GDPD5: variants seen among roughly 807,000 people sequenced by gnomAD.
The protein encoded by GDPD5 is glycerophosphodiester phosphodiesterase domain containing 5.
In GDPD5, 48 loss-of-function variants were observed where a neutral mutation model predicts 75.1. That is an observed-to-expected ratio of 0.64 (90% confidence interval 0.51 to 0.81). The LOEUF is 0.81. Among genes scored for constraint, GDPD5 ranks in the 40% least tolerant of loss-of-function variants. GDPD5 has a pLI of 0.00. For synonymous variants in GDPD5, 336 were observed against 339.0 expected, an observed-to-expected ratio of 0.99 and a Z score of 0.10; for missense variants, 706 against 822.6, an observed-to-expected ratio of 0.86 and a Z score of 1.73.
At chr11:75,492,152 G>A (rs532231903) in intron 1 of GDPD5, among the ~76,000 whole-genome samples, 3 of 152,298 alleles carry the variant, frequency 2.0e-5, no homozygotes, top group East Asian at 1.9e-4. Context: ...GTCTGGACGC[G>A]GAGGCCGCCC....
chr11:75,476,624 TG>T (rs1259226791), intron 3 of GDPD5, among the ~76,000 whole-genome samples: 1 of 152,156 alleles, frequency 6.6e-6, no homozygotes, highest in African/African-American at 2.4e-5. Context: ...CCCTCTCCTT[TG>T]CCTCAGTTTG....
chr11:75,439,748 C>A, intron 15 of GDPD5, 131 bp downstream of exon 15: 1 of 741,814 alleles, frequency 1.3e-6, no homozygotes. Context: ...CACCGGAGTC[C>A]GTCCTTCTTC....
intron 10 of GDPD5, among the ~76,000 whole-genome samples, chr11:75,443,754 A>G (rs148300238): frequency 1.2e-3 from 184 of 152,150 alleles, no homozygotes; most frequent in African/African-American, 4.2e-3. Context: ...ATCCTTGTCT[A>G]CTCTACCAGG....
intron 1 of GDPD5, chr11:75,516,034 G>A (rs1950631384): frequency 6.6e-6 from 1 of 152,378 alleles, no homozygotes; most frequent in Non-Finnish European, 1.5e-5. Context: ...GTGAGGAAGT[G>A]TCTTTGGTTT....
At chr11:75,441,563 TG>T in intron 13 of GDPD5, 82 bp downstream of exon 13, 1 of 1,262,836 alleles carries the variant, frequency 7.9e-7, no homozygotes, top group Non-Finnish European at 1.1e-6. Context: ...TGTGTGTGTG[TG>T]TGTGTTGGGG....
intron 1 of GDPD5, among the ~76,000 whole-genome samples, chr11:75,493,250 C>CACACAG (rs1300612223): frequency 6.6e-6 from 1 of 151,748 alleles, no homozygotes; most frequent in Non-Finnish European, 1.5e-5. Context: ...CACACACACA[C>CACACAG]ACACACACAC....
chr11:75,443,285 G>C lies in GDPD5; in HGVS notation c.799C>G (p.Leu267Val). The C allele has an allele frequency of 1.2e-6, 2 of 1,606,480 alleles. No individual in the cohort carries two copies. Among genetic ancestry groups the C allele is most frequent in the Non-Finnish European group, 8.5e-7 (1 of 1,177,640 alleles). The change falls in exon 11 of 17, where the codon CTG (leucine) becomes GTG (valine). Residue 267 changes from leucine (L) to valine (V), a missense_variant and splice_region_variant. Transcript: ENST00000336898. ...YGLQADITISLDGVPFLMHDT... is the reference protein window; with the variant it reads ...YGLQADITISVDGVPFLMHDT... ...TGCATGAGGAAGGGCACGCCGTCCA[G>C]GCTGCAGGGAGGGTGGGGCCACCGA... is the stretch of plus-strand genomic sequence containing the variant.
Position 75,492,336 on chromosome 11 carries a change from C to T in GDPD5, c.-144-2016G>A, listed in dbSNP as rs368602143. 5.2e-5 allele frequency: 8 copies of T among 152,398 alleles called. No homozygotes were observed. In the East Asian group the frequency reaches 1.5e-3, roughly 29 times the overall value. 9.4% of individuals were successfully genotyped at this position (152,398 alleles called of 1,614,324 possible). ...GTGACACGCCCGGGTCTGGCTCCAC[C>T]CCCACCTTGCCTTCCCAGCACGGGG... On this transcript the variant is annotated intron_variant, in intron 1 of 16. Transcript: ENST00000336898.
chr11:75,448,770 T>C (rs1372609869), intron 9 of GDPD5: 7 of 1,215,366 alleles, frequency 5.8e-6, no homozygotes, highest in African/African-American at 1.6e-5. Context: ...AGGACAAAAC[T>C]GAAATCTTTT....
chr11:75,452,466 G>A (rs529145345), intron 6 of GDPD5: 14 of 152,234 alleles, frequency 9.2e-5, no homozygotes, highest in Non-Finnish European at 1.6e-4. Flanking sequence ...TAAAAAGTGA[G>A]CATGATATGG....
intron 2 of GDPD5, among the ~76,000 whole-genome samples, chr11:75,478,247 T>C (rs1486381660): frequency 3.3e-5 from 5 of 152,216 alleles, no homozygotes; most frequent in African/African-American, 9.6e-5. Flanking sequence ...CCTCCTGGGT[T>C]CAAGCAATTC....
At position 75,444,486 on chromosome 11, in the gene GDPD5, C is replaced by G; in HGVS notation, c.724G>C (p.Glu242Gln). 1.9e-6 allele frequency: 3 copies of G among 1,613,276 alleles called. No individual in the cohort carries two copies. Among genetic ancestry groups the G allele is most frequent in the Non-Finnish European group, 2.5e-6 (3 of 1,179,560 alleles). Residue 242 changes from glutamate (E) to glutamine (Q), a missense_variant, in exon 10 of 17, where the codon GAG becomes CAG. Glu to Gln is a conservative substitution (Grantham distance 29). Transcript: ENST00000336898. ...GHRGAPMLAP[E>Q]HTLMSFRKAL... ...TTCCGGAAGGACATGAGCGTGTGCT[C>G]TGGAGCCAGCTGGGGAAGAAGGGGT...
chr11:75,495,419 C>T (rs996994924), intron 1 of GDPD5, among the ~76,000 whole-genome samples: 1 of 150,876 alleles, frequency 6.6e-6, no homozygotes, highest in East Asian at 2.0e-4. Context: ...GAGCTGAGAT[C>T]GTGCCACACT....
At chr11:75,510,748 C>T (rs950963715) in intron 1 of GDPD5, among the ~76,000 whole-genome samples, 4 of 150,254 alleles carry the variant, frequency 2.7e-5, no homozygotes, top group African/African-American at 9.8e-5. Flanking sequence ...TCGCTCCCTT[C>T]TCCCCCTCCC....
intron 3 of GDPD5, among the ~76,000 whole-genome samples, chr11:75,475,355 C>T (rs1265392354): frequency 1.3e-5 from 2 of 152,118 alleles, no homozygotes; most frequent in Admixed American, 6.5e-5. Context: ...GTCTCCACCA[C>T]CCCTCAACTC....
Position 75,449,587 on chromosome 11 carries a change from C to A in GDPD5, c.498G>T (p.Val166=). ...GCATGGTGACTGCTGCCACAGCCCC[C>A]ACATGCAGGAATGGCGCTGTGCCCT... ...SLQGTAPFLH[V]GAVAAVTMLS... Residue 166 remains valine (V), a synonymous_variant, in exon 8 of 17, where the codon GTG becomes GTT. Transcript: ENST00000336898. The A allele has an allele frequency of 6.3e-7, 1 of 1,586,426 alleles. No individual in the cohort carries two copies. The highest frequency in any genetic ancestry group is 8.6e-7 in the Non-Finnish European group (1 of 1,166,532).
At chr11:75,500,553 C>T (rs1950287808) in intron 1 of GDPD5, among the ~76,000 whole-genome samples, 1 of 152,136 alleles carries the variant, frequency 6.6e-6, no homozygotes, top group South Asian at 2.1e-4. Flanking sequence ...GCCCCCTTTC[C>T]CTCCCTTGCC....
chr11:75,524,700 C>G (rs1318923997), intron 1 of GDPD5, among the ~76,000 whole-genome samples: 1 of 152,248 alleles, frequency 6.6e-6, no homozygotes, highest in African/African-American at 2.4e-5. Flanking sequence ...CTGCTGCTCT[C>G]ACATCCTGGG....
intron 6 of GDPD5, chr11:75,455,384 T>G (rs776376244): frequency 3.5e-5 from 16 of 456,122 alleles, no homozygotes; most frequent in Non-Finnish European, 5.7e-5. Context: ...AGGAGGAAGG[T>G]GGGGGGACCA....
Sources: allele counts gnomAD v4.1 joint callset (sites outside exome capture counted in the v4.1 genomes callset), GRCh38; gene constraint gnomAD v4.1.1; transcripts MANE v1.5; gene names NCBI Gene and HGNC (gene_info 2026-07-23, HGNC 2026-07-21).